Variants in UBR3 observed in about 807,000 individuals in gnomAD.
The protein encoded by UBR3 is E3 ubiquitin-protein ligase UBR3.
UBR3 carries 85 observed loss-of-function variants against 243.2 expected under a neutral mutation model. The ratio of observed to expected loss-of-function variants is 0.35; its 90% CI spans 0.29 to 0.42. The LOEUF is 0.42. Among genes scored for constraint, UBR3 ranks in the 10% least tolerant of loss-of-function variants. The pLI is 1.00. For synonymous variants in UBR3, 748 were observed against 799.8 expected, an observed-to-expected ratio of 0.94 and a Z score of 1.09; for missense variants, 1,686 against 2,300.8, an observed-to-expected ratio of 0.73 and a Z score of 5.47.
Position 169,853,872 on chromosome 2 carries a change from G to A in UBR3, c.546-18364G>A, listed in dbSNP as rs573155283. Among the ~76,000 whole-genome samples, 8 of 151,862 alleles carry A rather than the reference G, an allele frequency of 5.3e-5. No individual in the cohort carries two copies. The East Asian group carries it at 1.5e-3, about 29-fold the overall frequency. ...TGTATGTGGAAGTGAATGAGGGAGA[G>A]AAGAAAGGAAGAAAAAGCTGTTTAA... On this transcript the variant is annotated intron_variant, in intron 1 of 38. Transcript: ENST00000272793.
At chr2:169,971,204 C>A (rs1227637324) in intron 24 of UBR3, among the ~76,000 whole-genome samples, 2 of 149,788 alleles carry the variant, frequency 1.3e-5, no homozygotes, top group Non-Finnish European at 3.0e-5. Context: ...TGTTTGAGTT[C>A]ATGGTAGATT....
chr2:169,846,032 C>T (rs1181676477), intron 1 of UBR3, among the ~76,000 whole-genome samples: 1 of 151,164 alleles, frequency 6.6e-6, no homozygotes, highest in Non-Finnish European at 1.5e-5. Context: ...GCTTATTATT[C>T]TGTTGTGGGG....
intron 2 of UBR3, 143 bp from the exon 3 acceptor site, chr2:169,875,648 C>G: frequency 1.2e-6 from 1 of 810,480 alleles, no homozygotes; most frequent in Non-Finnish European, 1.8e-6. Context: ...AATTTCTAAA[C>G]AGAGTTCTTG....
intron 33 of UBR3, among the ~76,000 whole-genome samples, chr2:170,057,551 G>A (rs2091361455): frequency 6.6e-6 from 1 of 152,104 alleles, no homozygotes; most frequent in Non-Finnish European, 1.5e-5. Context: ...TGTTTCCTTA[G>A]TAAGCTGTCT....
At chr2:170,014,354 CTT>C (rs5836255) in intron 29 of UBR3, 21 of 133,786 alleles carry the variant, frequency 1.6e-4, no homozygotes, top group Admixed American at 3.0e-4. Flanking sequence ...GTTTTTTTTT[CTT>C]TTTTTTTTTT....
chr2:170,043,289 T>A (rs189842309), intron 32 of UBR3, among the ~76,000 whole-genome samples: 124 of 152,266 alleles, frequency 8.1e-4, no homozygotes, highest in African/African-American at 2.7e-3. Flanking sequence ...ACCTGTTGTG[T>A]CAGTGTCTGA....
intron 27 of UBR3, among the ~76,000 whole-genome samples, chr2:170,002,189 A>T (rs1458642040): frequency 6.6e-6 from 1 of 152,032 alleles, no homozygotes; most frequent in Non-Finnish European, 1.5e-5. Context: ...TACTATACCC[A>T]TTCTATTCTT....
intron 35 of UBR3, among the ~76,000 whole-genome samples, chr2:170,071,780 C>T (rs2091702611): frequency 6.6e-6 from 1 of 152,046 alleles, no homozygotes; most frequent in African/African-American, 2.4e-5. Context: ...ACTTAATGTG[C>T]ATAATTAGTT....
At chr2:170,057,044 TGAAA>T (rs1481415754) in intron 33 of UBR3, among the ~76,000 whole-genome samples, 3 of 152,204 alleles carry the variant, frequency 2.0e-5, no homozygotes, top group Non-Finnish European at 2.9e-5. Context: ...CTGTCTTTCT[TGAAA>T]GATTTTTTCC....
At chr2:169,871,509 C>G (rs62170275) in intron 1 of UBR3, among the ~76,000 whole-genome samples, 9,919 of 151,778 alleles carry the variant, frequency 0.065, 343 homozygotes, top group Non-Finnish European at 0.084. Flanking sequence ...CTCACGGGGC[C>G]GAGGCGGGCG....
chr2:169,879,494 G>T (rs2083741741), intron 5 of UBR3, among the ~76,000 whole-genome samples: 1 of 152,080 alleles, frequency 6.6e-6, no homozygotes, highest in South Asian at 2.1e-4. Context: ...GATTGGAGAG[G>T]CAGTTTATTA....
chr2:169,989,508 G>A (rs951808341), intron 25 of UBR3, among the ~76,000 whole-genome samples: 1 of 152,080 alleles, frequency 6.6e-6, no homozygotes, highest in African/African-American at 2.4e-5. Context: ...AGATTAGTAG[G>A]AAGTGATGAT....
In UBR3 at chr2:169,986,694, G is replaced by A. The variant is rs2089019437; in HGVS notation, c.3684G>A (p.Gln1228=). 1.2e-6 allele frequency: 2 copies of A among 1,613,866 alleles called. No homozygotes were observed. The highest frequency in any genetic ancestry group is 1.7e-6 in the Non-Finnish European group (2 of 1,179,862). The part of the protein sequence containing the change: ...IPMEITTAEP[Q]VSEAVYDCVI... ...TGGAGATCACCACGGCAGAACCACAGGTTTCCGAGGCAGTATATGACTGTG... is the reference window on the plus strand; with the variant it reads ...TGGAGATCACCACGGCAGAACCACAAGTTTCCGAGGCAGTATATGACTGTG... The change falls in exon 25 of 39, where the codon CAG becomes CAA. Residue 1228 remains glutamine (Q), a synonymous_variant. Transcript: ENST00000272793.
intron 24 of UBR3, among the ~76,000 whole-genome samples, chr2:169,968,009 T>C (rs1209320036): frequency 6.6e-6 from 1 of 152,022 alleles, no homozygotes; most frequent in Non-Finnish European, 1.5e-5. Context: ...CTTAATGTCA[T>C]ATCCAGGAGA....
rs1363885058 is a variant in UBR3, at chr2:169,914,047, C to G, written c.1780-13C>G. On this transcript the variant is annotated splice_polypyrimidine_tract_variant and intron_variant, in intron 10 of 38. Coordinates refer to ENST00000272793, the MANE Select transcript of UBR3 (RefSeq NM_172070.4). ...TATATCATAAATTTATTATATATAA[C>G]TTACTATTTTAGGAAACTCAAGAGT... 1.1e-5 allele frequency: 15 copies of G among 1,339,198 alleles called. No individual in the cohort carries two copies. The highest frequency in any genetic ancestry group is 1.5e-5 in the African/African-American group (1 of 66,148). The allele number at this position is 1,339,198 out of a possible 1,614,324, so 83.0% of individuals were successfully genotyped here.
chr2:169,995,350 T>C lies in UBR3; in HGVS notation c.3918+894T>C, dbSNP rs1310463528. Among the ~76,000 whole-genome samples the C allele has an allele frequency of 2.0e-5, 3 of 152,334 alleles. No homozygotes were observed. The East Asian group carries it at 5.8e-4, about 29-fold the overall frequency. The stretch of plus-strand genomic sequence containing the variant: ...TTGTCAAAAATTGGGTAAATCGTTA[T>C]CTTGTTTTTATTAAACTTTCTCAAA... On this transcript the variant is annotated intron_variant, in intron 26 of 38. Transcript: ENST00000272793.
chr2:169,911,990 A>C (rs975996089), intron 10 of UBR3, among the ~76,000 whole-genome samples: 9 of 152,212 alleles, frequency 5.9e-5, no homozygotes, highest in Non-Finnish European at 1.0e-4. Context: ...GGATTGTGGC[A>C]ATGGAAATAA....
intron 27 of UBR3, among the ~76,000 whole-genome samples, chr2:170,002,097 C>T (rs2089735018): frequency 6.6e-6 from 1 of 151,864 alleles, no homozygotes; most frequent in Admixed American, 6.6e-5. Context: ...TTGTGATTTG[C>T]CTCTGACATC....
intron 1 of UBR3, among the ~76,000 whole-genome samples, chr2:169,864,002 G>A (rs893710840): frequency 2.0e-5 from 3 of 151,996 alleles, no homozygotes; most frequent in East Asian, 1.9e-4. Context: ...CTAAAGGAGC[G>A]CCATGGATAC....
Sources: gnomAD v4.1 joint callset for allele counts (sites outside exome capture counted in the v4.1 genomes callset) on GRCh38, gnomAD v4.1.1 for gene constraint, MANE v1.5 for transcripts, NCBI Gene and HGNC (gene_info 2026-07-23, HGNC 2026-07-21) for gene names.